Variants in DLC1 observed in about 807,000 individuals in gnomAD.
The protein encoded by DLC1 is DLC1 Rho GTPase activating protein, also known as rho GTPase-activating protein 7.
Under a neutral mutation model 140.3 loss-of-function variants are expected in DLC1, and 54 were observed. The observed-to-expected ratio is 0.38, with a 90% confidence interval of 0.31 to 0.48. The LOEUF (loss-of-function observed/expected upper bound fraction) is 0.48. DLC1 is among the 20% of genes least tolerant of loss of function. The pLI, the probability that DLC1 is intolerant of heterozygous loss-of-function variation, is 0.96. For missense variants in DLC1, 2,536 were observed against 1,907.0 expected, an observed-to-expected ratio of 1.33 and a Z score of -6.14; for synonymous variants, 986 against 728.1, an observed-to-expected ratio of 1.35 and a Z score of -5.70.
rs899651987 is a variant in DLC1, at chr8:13,084,839, C to T, written c.*972G>A. 3.3e-5 allele frequency: 5 copies of T among 152,260 alleles called. No homozygotes were observed. Among genetic ancestry groups the T allele is most frequent in the Non-Finnish European group, 5.9e-5 (4 of 68,024 alleles). The allele number at this position is 152,260 out of a possible 1,614,324, so 9.4% of individuals were successfully genotyped here. A position where few individuals can be genotyped will look rare whatever the true frequency, so the allele number is the denominator to read the frequency against. On this transcript the variant is annotated 3_prime_UTR_variant, in exon 18 of 18. Transcript: ENST00000276297. ...TATTCCCAAACATAGTGTCTTAAGG[C>T]GTTTCTGTTACAAACACAAAAATGC...
intron 5 of DLC1, among the ~76,000 whole-genome samples, chr8:13,116,924 C>G (rs1820601826): frequency 6.6e-6 from 1 of 152,178 alleles, no homozygotes; most frequent in Non-Finnish European, 1.5e-5. Flanking sequence ...CATTATTCAA[C>G]CCAAGACTTA....
At chr8:13,169,130 G>A (rs968805528) in intron 5 of DLC1, among the ~76,000 whole-genome samples, 14 of 152,116 alleles carry the variant, frequency 9.2e-5, no homozygotes, top group Admixed American at 2.0e-4. Context: ...GAAATTTGGG[G>A]GCTTTACTAC....
intron 5 of DLC1, among the ~76,000 whole-genome samples, chr8:13,251,038 G>T (rs546383140): frequency 2.7e-4 from 41 of 152,300 alleles, no homozygotes; most frequent in African/African-American, 9.4e-4. Context: ...CAAGATCAAG[G>T]TACCCTGAAG....
intron 5 of DLC1, among the ~76,000 whole-genome samples, chr8:13,123,796 C>T (rs1821324451): frequency 1.3e-5 from 2 of 152,212 alleles, no homozygotes; most frequent in African/African-American, 4.8e-5. Context: ...CCTACAACAG[C>T]ACACAGTAGT....
intron 2 of DLC1, among the ~76,000 whole-genome samples, chr8:13,423,618 A>T (rs1300814997): frequency 6.6e-6 from 1 of 152,204 alleles, no homozygotes; most frequent in Admixed American, 6.5e-5. Flanking sequence ...TTTCCTAAAC[A>T]TTCTGTGACC....
In DLC1 at chr8:13,381,699, G is replaced by A. The variant is rs534664658; in HGVS notation, c.1314+11854C>T. Reference sequence around the variant, plus strand: ...GAAATGAGCCAGTCAACCCCCAACTGCAGCCTCATGAGAGACCCTGTCCTA... The same window carrying A: ...GAAATGAGCCAGTCAACCCCCAACTACAGCCTCATGAGAGACCCTGTCCTA... On this transcript the variant is annotated intron_variant, in intron 4 of 17. Coordinates refer to ENST00000276297, the MANE Select transcript of DLC1 (RefSeq NM_182643.3). Among the ~76,000 whole-genome samples the A allele has an allele frequency of 3.3e-5, 5 of 152,182 alleles. No individual in the cohort carries two copies. In the South Asian group the frequency reaches 8.3e-4, roughly 25 times the overall value.
chr8:13,593,245 C>G (rs1320919139), intron 1 of DLC1, among the ~76,000 whole-genome samples: 4 of 152,078 alleles, frequency 2.6e-5, no homozygotes, highest in Non-Finnish European at 4.4e-5. Context: ...CCTTTGGTTT[C>G]TTTATCAGCA....
chr8:13,529,474 C>T lies in DLC1; in HGVS notation c.-125-29278G>A, dbSNP rs534765654. Among the ~76,000 whole-genome samples, 43 of 152,210 alleles carry T rather than the reference C, an allele frequency of 2.8e-4. 1 individual carries two copies. In the South Asian group the frequency reaches 5.6e-3, roughly 20 times the overall value. The stretch of plus-strand genomic sequence containing the variant: ...TTCTGTAAATTCCTTCCCAGTTGAT[C>T]CAAAAATTATACTTAATTACTCTCT... On this transcript the variant is annotated intron_variant, in intron 1 of 1. Transcript: ENST00000631382.
intron 2 of DLC1, among the ~76,000 whole-genome samples, chr8:13,478,795 A>G (rs1800553368): frequency 6.6e-6 from 1 of 152,192 alleles, no homozygotes; most frequent in African/African-American, 2.4e-5. Context: ...TTTTATAGCA[A>G]TTATTGAATT....
chr8:13,600,721 TC>T (rs1286776582), intron 1 of DLC1, among the ~76,000 whole-genome samples: 1 of 151,876 alleles, frequency 6.6e-6, no homozygotes, highest in Non-Finnish European at 1.5e-5. Context: ...TTAAAGTAAA[TC>T]TTTTTTTTTA....
At chr8:13,355,673 C>G (rs970117142) in intron 4 of DLC1, among the ~76,000 whole-genome samples, 5 of 152,108 alleles carry the variant, frequency 3.3e-5, no homozygotes, top group Non-Finnish European at 7.4e-5. Flanking sequence ...TTGCAAGGAC[C>G]CAGTTCATTC....
chr8:13,386,239 C>G (rs78562414), intron 4 of DLC1, among the ~76,000 whole-genome samples: 3,109 of 152,198 alleles, frequency 0.02, 106 homozygotes, highest in African/African-American at 0.068. Context: ...TGCTATTAAT[C>G]TATTCAATTC....
intron 5 of DLC1, among the ~76,000 whole-genome samples, chr8:13,289,858 A>G (rs886103613): frequency 6.6e-6 from 1 of 152,168 alleles, no homozygotes; most frequent in South Asian, 2.1e-4. Context: ...ATGTCTGCAT[A>G]TGGAATTATT....
intron 5 of DLC1, among the ~76,000 whole-genome samples, chr8:13,132,199 C>A (rs560693004): frequency 9.1e-5 from 12 of 132,172 alleles, no homozygotes; most frequent in South Asian, 2.5e-4. Context: ...GGGAAAAAAA[C>A]CAAAACTGTG....
intron 5 of DLC1, among the ~76,000 whole-genome samples, chr8:13,121,449 C>G (rs1229407003): frequency 2.0e-5 from 3 of 152,280 alleles, no homozygotes; most frequent in African/African-American, 7.2e-5. Context: ...AGGGCGTTCA[C>G]TGGGAGAAGC....
intron 2 of DLC1, among the ~76,000 whole-genome samples, chr8:13,448,901 C>T (rs1008021655): frequency 5.3e-5 from 8 of 152,030 alleles, no homozygotes; most frequent in African/African-American, 1.9e-4. Context: ...CACCAGTTTT[C>T]GGGATCATTT....
At chr8:13,467,420 A>G (rs551550249) in intron 2 of DLC1, among the ~76,000 whole-genome samples, 2 of 149,318 alleles carry the variant, frequency 1.3e-5, no homozygotes, top group Non-Finnish European at 3.0e-5. Flanking sequence ...TCAATTTGTT[A>G]GGTTAAGGTA....
At chr8:13,346,074 AATACATTAGG>A (rs1237176316) in intron 4 of DLC1, among the ~76,000 whole-genome samples, 1 of 152,200 alleles carries the variant, frequency 6.6e-6, no homozygotes, top group Non-Finnish European at 1.5e-5. Flanking sequence ...GATACTTGTC[AATACATTAGG>A]AAATGACTTT....
intron 5 of DLC1, among the ~76,000 whole-genome samples, chr8:13,226,661 A>G (rs1319260769): frequency 6.6e-6 from 1 of 152,184 alleles, no homozygotes; most frequent in Admixed American, 6.5e-5. Flanking sequence ...TGATCTATGT[A>G]TGTATGCAAT....
Sources: gnomAD v4.1 joint callset for allele counts (sites outside exome capture counted in the v4.1 genomes callset) on GRCh38, gnomAD v4.1.1 for gene constraint, MANE v1.5 for transcripts, NCBI Gene and HGNC (gene_info 2026-07-23, HGNC 2026-07-21) for gene names.